AXL: variants seen among roughly 807,000 people sequenced by gnomAD.
The protein encoded by AXL is AXL receptor tyrosine kinase.
In AXL, 52 loss-of-function variants were observed where a neutral mutation model predicts 104.5. The ratio of observed to expected loss-of-function variants is 0.50; its 90% CI spans 0.40 to 0.63. The LOEUF (loss-of-function observed/expected upper bound fraction) is 0.63. Ranked by LOEUF, AXL falls within the 20% of genes least tolerant of loss-of-function variation. AXL has a pLI of 0.00. For synonymous variants in AXL, 455 were observed against 473.7 expected (o/e 0.96, Z 0.51); for missense variants, 1,024 against 1,188.5 (o/e 0.86, Z 2.04).
In AXL at chr19:41,251,151, A is replaced by T. The variant is rs150097325; in HGVS notation, c.1712-1200A>T. 8.7e-3 allele frequency among the ~76,000 whole-genome samples: 1,325 copies of T among 152,272 alleles called. 11 individuals carry two copies. Among genetic ancestry groups the T allele is most frequent in the Non-Finnish European group, 0.015 (1,008 of 68,020 alleles). On this transcript the variant is annotated intron_variant, in intron 14 of 19. Transcript: ENST00000301178. The stretch of plus-strand genomic sequence containing the variant: ...CTTGCTTTCTTCATCTTTAAAATAG[A>T]GATAGGCCAGGGACAGTGGCTCATG...
Position 41,238,143 on chromosome 19 carries a change from C to T in AXL, c.983C>T (p.Thr328Met), listed in dbSNP as rs376355256. 57 of 1,613,970 alleles carry T rather than the reference C, an allele frequency of 3.5e-5. No homozygotes were observed. Among genetic ancestry groups the T allele is most frequent in the Admixed American group, 6.7e-5 (4 of 59,972 alleles). The change falls in exon 7 of 20, where the codon ACG (threonine) becomes ATG (methionine). Residue 328 changes from threonine (T) to methionine (M), a missense_variant. Thr to Met is a moderately conservative substitution (Grantham distance 81). Coordinates refer to ENST00000301178, the MANE Select transcript of AXL (RefSeq NM_021913.5). The part of the protein sequence containing the change: ...SSWTHWLPVE[T>M]PEGVPLGPPE... ...TGGACCCACTGGCTTCCTGTGGAGA[C>T]GCCGGAGGGAGGTAAGAAGGGTTGG...
chr19:41,222,442 C>T (rs2033808034), intron 4 of AXL, among the ~76,000 whole-genome samples: 1 of 152,140 alleles, frequency 6.6e-6, no homozygotes, highest in Non-Finnish European at 1.5e-5. Flanking sequence ...CTTTGTCAGC[C>T]CTTGACCCAA....
At chr19:41,241,286 A>T (rs2034176671) in intron 10 of AXL, among the ~76,000 whole-genome samples, 1 of 152,146 alleles carries the variant, frequency 6.6e-6, no homozygotes, top group African/African-American at 2.4e-5. Context: ...TCACGCCTGT[A>T]ATCCCAGTAC....
chr19:41,257,645 T>A lies in AXL; in HGVS notation c.2333+16T>A, dbSNP rs2034476182. 2 of 1,613,674 alleles carry A rather than the reference T, an allele frequency of 1.2e-6. No homozygotes were observed. The highest frequency in any genetic ancestry group is 1.7e-6 in the Non-Finnish European group (2 of 1,179,890). ...TGGATGGACTGTGAGGACCCTTAGGTCTCCCCCAACCCAGAATTCATTCCA... is the reference window on the plus strand; with the variant it reads ...TGGATGGACTGTGAGGACCCTTAGGACTCCCCCAACCCAGAATTCATTCCA... On this transcript the variant is annotated intron_variant, in intron 19 of 19. Transcript: ENST00000301178.
chr19:41,223,345 CAG>C (rs1424322035), intron 4 of AXL, among the ~76,000 whole-genome samples: 2 of 152,104 alleles, frequency 1.3e-5, no homozygotes, highest in East Asian at 3.9e-4. Flanking sequence ...GTTGGAGTGA[CAG>C]AAACCCTCTC....
At position 41,219,362 on chromosome 19, in the gene AXL, C is replaced by T. The variant is rs1302321297; in HGVS notation, c.-31C>T. On this transcript the variant is annotated 5_prime_UTR_variant, in exon 1 of 20. Transcript: ENST00000301178. The stretch of plus-strand genomic sequence containing the variant: ...GCCCTGCCCCCTCCCCCGCTGGGAG[C>T]CCAACAACTTCTGAGGAAAGTTTGG... 8 of 1,559,328 alleles carry T rather than the reference C, an allele frequency of 5.1e-6. No homozygotes were observed. Among genetic ancestry groups the T allele is most frequent in the Non-Finnish European group, 6.9e-6 (8 of 1,151,780 alleles).
At chr19:41,254,408 A>G (rs2034421094) in intron 17 of AXL, among the ~76,000 whole-genome samples, 1 of 151,398 alleles carries the variant, frequency 6.6e-6, no homozygotes, top group Non-Finnish European at 1.5e-5. Flanking sequence ...GAAAGAAAGA[A>G]AGAAAGAAAA....
chr19:41,220,721 G>A lies in AXL; in HGVS notation c.171G>A (p.Gln57=), dbSNP rs1297919326. The A allele has an allele frequency of 1.9e-6, 3 of 1,613,902 alleles. No homozygotes were observed. Among genetic ancestry groups the A allele is most frequent in the East Asian group, 4.5e-5 (2 of 44,874 alleles). ...GACTCACGGGCACCCTTCGGTGTCA[G>A]CTCCAGGTTCAGGGAGAGCCCCCCG... is the stretch of plus-strand genomic sequence containing the variant. ...ARGLTGTLRC[Q]LQVQGEPPEV... is the part of the protein sequence containing the mutation. Residue 57 remains glutamine, a synonymous_variant, in exon 2 of 20, where the codon CAG becomes CAA. Transcript: ENST00000301178.
At chr19:41,255,159 G>C (rs2034432623) in intron 17 of AXL, among the ~76,000 whole-genome samples, 1 of 152,156 alleles carries the variant, frequency 6.6e-6, no homozygotes, top group Non-Finnish European at 1.5e-5. Context: ...CATGCAGTTT[G>C]TACTGCTTTG....
At chr19:41,230,946 T>A in intron 4 of AXL, 21 bp from the exon 5 acceptor site, 1 of 1,612,238 alleles carries the variant, frequency 6.2e-7, no homozygotes, top group East Asian at 2.2e-5. Flanking sequence ...TATTGGACCC[T>A]TCCCTCATAT....
chr19:41,220,134 C>T (rs1258373664), intron 1 of AXL, among the ~76,000 whole-genome samples: 1 of 150,898 alleles, frequency 6.6e-6, no homozygotes, highest in Non-Finnish European at 1.5e-5. Flanking sequence ...CTTTTCTTCT[C>T]TCTTGAGGGC....
At chr19:41,248,868 C>A (rs2122265474) in intron 14 of AXL, 48 bp downstream of exon 14, 1 of 1,529,810 alleles carries the variant, frequency 6.5e-7, no homozygotes, top group South Asian at 1.3e-5. Context: ...TCCCTATGCC[C>A]CTGAGACAGA....
chr19:41,235,772 A>G (rs544080458), intron 6 of AXL, among the ~76,000 whole-genome samples: 2 of 152,252 alleles, frequency 1.3e-5, no homozygotes, highest in Non-Finnish European at 2.9e-5. Context: ...TCATCTGTAC[A>G]GTGGGAATAA....
intron 17 of AXL, among the ~76,000 whole-genome samples, chr19:41,255,402 C>T: frequency 6.8e-6 from 1 of 148,140 alleles, no homozygotes; most frequent in Admixed American, 6.9e-5. Context: ...CCTTCCTTCC[C>T]TCCCTCCCTC....
chr19:41,227,169 G>A (rs1222322990), intron 4 of AXL, among the ~76,000 whole-genome samples: 1 of 152,028 alleles, frequency 6.6e-6, no homozygotes, highest in Non-Finnish European at 1.5e-5. Flanking sequence ...CTGGGGGAGG[G>A]GGGTGTCTAT....
intron 1 of AXL, 66 bp downstream of exon 1, chr19:41,219,543 G>C: frequency 6.6e-7 from 1 of 1,525,958 alleles, no homozygotes; most frequent in South Asian, 1.2e-5. Context: ...GTAGGAGGTG[G>C]GGGATGATGG....
intron 1 of AXL, 84 bp from the exon 2 acceptor site, chr19:41,220,551 CG>C: frequency 8.0e-7 from 1 of 1,247,936 alleles, no homozygotes; most frequent in Admixed American, 2.5e-5. Context: ...TCCTGGCCGC[CG>C]GTGGGCAGGC....
At chr19:41,250,842 G>A (rs1568417037) in intron 14 of AXL, among the ~76,000 whole-genome samples, 1 of 152,134 alleles carries the variant, frequency 6.6e-6, no homozygotes, top group African/African-American at 2.4e-5. Context: ...AGGCTCAAGC[G>A]ATCCTCCCCA....
At chr19:41,244,018 C>A (rs2034229410) in intron 12 of AXL, among the ~76,000 whole-genome samples, 1 of 151,386 alleles carries the variant, frequency 6.6e-6, no homozygotes, top group African/African-American at 2.4e-5. Context: ...ACAGCCTGGG[C>A]AGCATGGTGA....
Sources: allele counts gnomAD v4.1 joint callset (sites outside exome capture counted in the v4.1 genomes callset), GRCh38; gene constraint gnomAD v4.1.1; transcripts MANE v1.5; gene names NCBI Gene and HGNC (gene_info 2026-07-23, HGNC 2026-07-21).